ARPC5: variants seen among roughly 807,000 people sequenced by gnomAD.
ARPC5 encodes actin-related protein 2/3 complex subunit 5.
In ARPC5, 5 loss-of-function variants were observed where a neutral mutation model predicts 15.4. The ratio of observed to expected loss-of-function variants is 0.32; its 90% CI spans 0.17 to 0.68. The LOEUF is 0.68. Ranked by LOEUF, ARPC5 falls within the 30% of genes least tolerant of loss-of-function variation. The pLI, the probability that ARPC5 is intolerant of heterozygous loss-of-function variation, is 0.71. For synonymous variants in ARPC5, 85 were observed against 72.2 expected, an observed-to-expected ratio of 1.18 and a Z score of -0.90; for missense variants, 138 against 192.8, an observed-to-expected ratio of 0.72 and a Z score of 1.68.
At position 183,621,767 on chromosome 1, in the gene ARPC5, G is replaced by A. The variant is rs955571449; in HGVS notation, c.*5765C>T. 5 of 152,258 alleles carry A rather than the reference G, an allele frequency of 3.3e-5. No individual in the cohort carries two copies. The highest frequency in any genetic ancestry group is 7.2e-5 in the African/African-American group (3 of 41,540). 9.4% of individuals were successfully genotyped at this position (152,258 alleles called of 1,614,324 possible). ...GTCATGGTGCCGGTGGGAGCGTAGC[G>A]GTGAGGATGGCCAGAGGCAGAGGTC... On this transcript the variant is annotated 3_prime_UTR_variant, in exon 4 of 4. Transcript: ENST00000359856.
rs111394690 is a variant in ARPC5, at chr1:183,635,502, T to A, written c.143+15A>T. On this transcript the variant is annotated intron_variant, in intron 1 of 3. Coordinates refer to ENST00000359856, the MANE Select transcript of ARPC5 (RefSeq NM_005717.4). ...GGCTGGGCTGGGGTGGGGAGGGCGG[T>A]GAATGCAAGGATATTGCCGCAGGCA... 52,841 of 1,600,486 alleles carry A rather than the reference T, an allele frequency of 0.033. 1,104 individuals are homozygous for A. The highest frequency in any genetic ancestry group is 0.076 in the African/African-American group (5,694 of 74,486).
At chr1:183,631,426 A>C (rs1471436100) in intron 2 of ARPC5, 2 of 151,980 alleles carry the variant, frequency 1.3e-5, no homozygotes, top group Non-Finnish European at 2.9e-5. Flanking sequence ...CTAAAAATAC[A>C]GAAATTATCC....
chr1:183,633,826 CTAGT>C (rs1230890290), intron 1 of ARPC5: 2 of 152,200 alleles, frequency 1.3e-5, no homozygotes, highest in African/African-American at 4.8e-5. Context: ...TTTGAAAGCA[CTAGT>C]GAGTTAGCAA....
At position 183,628,172 on chromosome 1, in the gene ARPC5, C is replaced by CAAAAAAAA. The variant is rs3068220; in HGVS notation, c.394-586_394-579dup. On this transcript the variant is annotated intron_variant, in intron 3 of 3. Transcript: ENST00000359856. ...TGGGCGACAGAGCAAGACTCCGTCT[C>CAAAAAAAA]AAAAAAAAAAAAAAAAAAAAAAAAA... is the stretch of plus-strand genomic sequence containing the variant. 2.6e-4 allele frequency among the ~76,000 whole-genome samples: 12 copies of CAAAAAAAA among 46,062 alleles called. No individual in the cohort carries two copies. The East Asian group carries it at 4.0e-3, about 15-fold the overall frequency. 30.2% of individuals were successfully genotyped at this position (46,062 alleles called of 152,430 possible). A position where few individuals can be genotyped will look rare whatever the true frequency, so the allele number is the denominator to read the frequency against.
At chr1:183,628,273 A>G (rs1267345349) in intron 3 of ARPC5, among the ~76,000 whole-genome samples, 1 of 152,076 alleles carries the variant, frequency 6.6e-6, no homozygotes, top group African/African-American at 2.4e-5. Flanking sequence ...CATAGTCAGA[A>G]GAAAATTCAA....
intron 1 of ARPC5, among the ~76,000 whole-genome samples, chr1:183,634,846 T>C (rs1211442628): frequency 6.6e-6 from 1 of 152,016 alleles, no homozygotes; most frequent in Non-Finnish European, 1.5e-5. Context: ...ATTTTTTGTA[T>C]TCATTCCCCT....
Position 183,623,221 on chromosome 1 carries a change from T to TG in ARPC5, c.*4310dup, listed in dbSNP as rs2101951508. 3.4e-6 allele frequency: 2 copies of TG among 588,866 alleles called. No individual in the cohort carries two copies. The highest frequency in any genetic ancestry group is 4.0e-5 in the South Asian group (2 of 49,806). The allele number at this position is 588,866 out of a possible 1,614,324, so 36.5% of individuals were successfully genotyped here. A position where few individuals can be genotyped will look rare whatever the true frequency, so the allele number is the denominator to read the frequency against. On this transcript the variant is annotated 3_prime_UTR_variant, in exon 4 of 4. Coordinates refer to ENST00000359856, the MANE Select transcript of ARPC5 (RefSeq NM_005717.4). ...TACTCAATTTGTGTTTCATGTGGTG[T>TG]GGATTCTAGGGAACTGTTTCAGAGA...
chr1:183,623,706 AAAGG>A lies in ARPC5; in HGVS notation c.*3822_*3825del. 1 of 583,040 alleles carries A rather than the reference AAAGG, an allele frequency of 1.7e-6. No homozygotes were observed. Among genetic ancestry groups the A allele is most frequent in the Non-Finnish European group, 3.0e-6 (1 of 333,230 alleles). The allele number at this position is 583,040 out of a possible 1,614,324, so 36.1% of individuals were successfully genotyped here. A position where few individuals can be genotyped will look rare whatever the true frequency, so the allele number is the denominator to read the frequency against. ...GTAAGGGGATGTTAGTTGTAAATCT[AAAGG>A]AAAAATTGTGTATCTAAAAATTAAT... On this transcript the variant is annotated 3_prime_UTR_variant, in exon 4 of 4. Coordinates refer to ENST00000359856, the MANE Select transcript of ARPC5 (RefSeq NM_005717.4).
Position 183,627,277 on chromosome 1 carries a change from A to C in ARPC5, c.*255T>G. On this transcript the variant is annotated 3_prime_UTR_variant, in exon 4 of 4. Transcript: ENST00000359856. Reference sequence around the variant, plus strand: ...CTTGAATGTAAATTATACTATATACAGATTGGTATAAACATCACTGAAATG... The same window carrying C: ...CTTGAATGTAAATTATACTATATACCGATTGGTATAAACATCACTGAAATG... 2.0e-6 allele frequency: 1 copy of C among 490,310 alleles called. No homozygotes were observed. Among genetic ancestry groups the C allele is most frequent in the African/African-American group, 1.9e-5 (1 of 51,292 alleles). 30.4% of individuals were successfully genotyped at this position (490,310 alleles called of 1,614,324 possible).
intron 3 of ARPC5, among the ~76,000 whole-genome samples, chr1:183,628,766 T>C (rs1338032947): frequency 6.6e-6 from 1 of 152,258 alleles, no homozygotes; most frequent in East Asian, 1.9e-4. Context: ...AGCAAATGTA[T>C]GGAGGTGTGA....
chr1:183,627,941 A>T (rs1160079691), intron 3 of ARPC5, among the ~76,000 whole-genome samples: 1 of 152,098 alleles, frequency 6.6e-6, no homozygotes, highest in Non-Finnish European at 1.5e-5. Flanking sequence ...TGGGAGGCCG[A>T]GGCCGGCGGA....
Position 183,623,260 on chromosome 1 carries a change from T to C in ARPC5, c.*4272A>G. ...CTGTTTCAGAGAGAAATAAGAGATG[T>C]AAACATAGATTATTTATGTTGATTA... On this transcript the variant is annotated 3_prime_UTR_variant, in exon 4 of 4. Coordinates refer to ENST00000359856, the MANE Select transcript of ARPC5 (RefSeq NM_005717.4). The C allele has an allele frequency of 2.9e-6, 2 of 682,400 alleles. No individual in the cohort carries two copies. Among genetic ancestry groups the C allele is most frequent in the South Asian group, 3.8e-5 (2 of 53,160 alleles). 42.3% of individuals were successfully genotyped at this position (682,400 alleles called of 1,614,324 possible).
At chr1:183,635,412 G>A (rs1649448119) in intron 1 of ARPC5, 105 bp downstream of exon 1, 1 of 1,346,718 alleles carries the variant, frequency 7.4e-7, no homozygotes, top group Non-Finnish European at 9.9e-7. Flanking sequence ...AGGTTGAGAG[G>A]GCAGCTCCGC....
At position 183,627,314 on chromosome 1, in the gene ARPC5, A is replaced by G; in HGVS notation, c.*218T>C. 2 of 584,334 alleles carry G rather than the reference A, an allele frequency of 3.4e-6. No individual in the cohort carries two copies. Among genetic ancestry groups the G allele is most frequent in the Non-Finnish European group, 6.2e-6 (2 of 320,114 alleles). The allele number at this position is 584,334 out of a possible 1,614,324, so 36.2% of individuals were successfully genotyped here. A position where few individuals can be genotyped will look rare whatever the true frequency, so the allele number is the denominator to read the frequency against. ...ACATCACTGAAATGGTTTTGAAAGG[A>G]TGAAACACTTCTATTTTAACACAAT... On this transcript the variant is annotated 3_prime_UTR_variant, in exon 4 of 4. Coordinates refer to ENST00000359856, the MANE Select transcript of ARPC5 (RefSeq NM_005717.4).
intron 3 of ARPC5, among the ~76,000 whole-genome samples, chr1:183,628,367 T>C (rs1030038591): frequency 1.3e-5 from 2 of 152,038 alleles, no homozygotes; most frequent in Admixed American, 6.6e-5. Context: ...AGGTATTGTT[T>C]AATAGCTAAG....
chr1:183,635,343 C>G (rs1649441237), intron 1 of ARPC5, among the ~76,000 whole-genome samples, 174 bp downstream of exon 1: 1 of 152,174 alleles, frequency 6.6e-6, no homozygotes, highest in Admixed American at 6.5e-5. Flanking sequence ...GGGTAGGAAA[C>G]GGGGGCTTCC....
chr1:183,627,561 G>A lies in ARPC5; in HGVS notation c.427C>T (p.Arg143Cys). The A allele has an allele frequency of 6.2e-7, 1 of 1,613,996 alleles. No homozygotes were observed. Among genetic ancestry groups the A allele is most frequent in the Non-Finnish European group, 8.5e-7 (1 of 1,179,958 alleles). The change falls in exon 4 of 4, where the codon CGT (arginine) becomes TGT (cysteine). Residue 143 changes from arginine (R) to cysteine (C), a missense_variant. Arg to Cys is a radical substitution (Grantham distance 180). Transcript: ENST00000359856. ...ACAGTTTTTCTTGCAGTCAAGACACGAACAATGGACCCTACTCCTCCAGCA... is the reference window on the plus strand; with the variant it reads ...ACAGTTTTTCTTGCAGTCAAGACACAAACAATGGACCCTACTCCTCCAGCA... Reference protein sequence around the residue: ...LAAGGVGSIVRVLTARKTV With the variant: ...LAAGGVGSIVCVLTARKTV
At chr1:183,627,655 G>A in intron 3 of ARPC5, 61 bp from the exon 4 acceptor site, 1 of 1,384,244 alleles carries the variant, frequency 7.2e-7, no homozygotes, top group Non-Finnish European at 1.0e-6. Flanking sequence ...CTCATATTTG[G>A]TAAAACATTT....
intron 2 of ARPC5, 199 bp from the exon 3 acceptor site, chr1:183,630,836 C>A: frequency 2.1e-6 from 1 of 477,988 alleles, no homozygotes; most frequent in Non-Finnish European, 3.6e-6. Flanking sequence ...GTTCCAGGAA[C>A]AGAAAAAAAC....
Sources: allele counts gnomAD v4.1 joint callset (sites outside exome capture counted in the v4.1 genomes callset), GRCh38; gene constraint gnomAD v4.1.1; transcripts MANE v1.5; gene names NCBI Gene and HGNC (gene_info 2026-07-23, HGNC 2026-07-21).